The following CHRNA7 variants were observed in gnomAD, a reference collection of about 807,000 sequenced individuals.
CHRNA7 encodes cholinergic receptor nicotinic alpha 7 subunit.
A neutral mutation model predicts 48.0 loss-of-function variants in CHRNA7; 17 were observed. The observed-to-expected ratio is 0.35, with a 90% CI of 0.24 to 0.53. The LOEUF is 0.53. Ranked by LOEUF, CHRNA7 falls within the 20% of genes least tolerant of loss-of-function variation. CHRNA7 has a pLI of 0.92. For synonymous variants in CHRNA7, 75 were observed against 242.3 expected (o/e 0.31, Z 6.41); for missense variants, 155 against 577.7 (o/e 0.27, Z 7.50).
intron 2 of CHRNA7, among the ~76,000 whole-genome samples, chr15:32,081,334 T>C (rs1165733101): frequency 6.6e-6 from 1 of 152,142 alleles, no homozygotes; most frequent in Non-Finnish European, 1.5e-5. Context: ...TTACTGTACT[T>C]AGAGTATTTA....
At chr15:32,057,340 G>GT (rs1447014489) in intron 2 of CHRNA7, among the ~76,000 whole-genome samples, 3 of 152,056 alleles carry the variant, frequency 2.0e-5, no homozygotes, top group Admixed American at 1.3e-4. Flanking sequence ...ATAGAGATGG[G>GT]TTTTTTTGTT....
At chr15:32,094,681 G>A (rs1595439145) in intron 2 of CHRNA7, among the ~76,000 whole-genome samples, 1 of 46,950 alleles carries the variant, frequency 2.1e-5, no homozygotes, top group Middle Eastern at 0.01. Context: ...TTTTTTTTGA[G>A]ACAGAGTCTT....
chr15:32,152,504 G>T (rs2051652145), intron 4 of CHRNA7, among the ~76,000 whole-genome samples: 1 of 152,200 alleles, frequency 6.6e-6, no homozygotes, highest in Non-Finnish European at 1.5e-5. Context: ...CACGCGGGAG[G>T]CCGAGAGAGT....
At chr15:32,088,659 T>C (rs1344287259) in intron 2 of CHRNA7, among the ~76,000 whole-genome samples, 1 of 152,208 alleles carries the variant, frequency 6.6e-6, no homozygotes, top group Admixed American at 6.5e-5. Context: ...TTGTTATAAT[T>C]TACATGTCCA....
chr15:32,030,491 G>A (rs1901748955), upstream of CHRNA7: 11 of 1,202,544 alleles, frequency 9.1e-6, no homozygotes, highest in African/African-American at 1.6e-5. Context: ...GCTCCTTAAA[G>A]GCGCGCGAGC....
At chr15:32,067,997 A>C (rs903712131) in intron 2 of CHRNA7, among the ~76,000 whole-genome samples, 2 of 152,216 alleles carry the variant, frequency 1.3e-5, no homozygotes, top group Non-Finnish European at 2.9e-5. Context: ...GTAGAAAATC[A>C]TAAAAAGCAC....
At chr15:32,073,722 A>G (rs980294395) in intron 2 of CHRNA7, among the ~76,000 whole-genome samples, 1 of 152,132 alleles carries the variant, frequency 6.6e-6, no homozygotes. Flanking sequence ...CTGGGTGTTT[A>G]AAAGAGGCTA....
At chr15:32,134,227 C>T (rs1008270103) in intron 4 of CHRNA7, among the ~76,000 whole-genome samples, 3 of 151,808 alleles carry the variant, frequency 2.0e-5, no homozygotes, top group South Asian at 2.1e-4. Context: ...GGCGGGATCT[C>T]GGCTCACTGC....
At chr15:32,073,384 G>A (rs2050087813) in intron 2 of CHRNA7, among the ~76,000 whole-genome samples, 1 of 152,184 alleles carries the variant, frequency 6.6e-6, no homozygotes, top group Non-Finnish European at 1.5e-5. Flanking sequence ...TAACTTGTTT[G>A]TGATCTAACA....
chr15:32,058,293 A>T (rs188195137), intron 2 of CHRNA7, among the ~76,000 whole-genome samples: 349 of 152,368 alleles, frequency 2.3e-3, no homozygotes, highest in Non-Finnish European at 4.0e-3. Context: ...CTTTGACAGT[A>T]ACCATCAGTC....
chr15:32,036,159 T>C (rs1902073806), intron 2 of CHRNA7, among the ~76,000 whole-genome samples: 1 of 152,216 alleles, frequency 6.6e-6, no homozygotes, highest in Admixed American at 6.5e-5. Flanking sequence ...CTTTCCACAA[T>C]GTCGTATGGT....
At chr15:32,114,222 G>A (rs2050829233) in intron 4 of CHRNA7, among the ~76,000 whole-genome samples, 1 of 151,348 alleles carries the variant, frequency 6.6e-6, no homozygotes, top group Non-Finnish European at 1.5e-5. Flanking sequence ...GTTACAAGAG[G>A]CAGTTTATAT....
intron 3 of CHRNA7, among the ~76,000 whole-genome samples, chr15:32,106,552 C>T (rs976567839): frequency 7.2e-5 from 11 of 152,236 alleles, no homozygotes; most frequent in South Asian, 2.1e-4. Flanking sequence ...CCTCTGCAGC[C>T]GGTTCCTCTG....
At chr15:32,049,936 G>A (rs959242250) in intron 2 of CHRNA7, among the ~76,000 whole-genome samples, 1 of 152,046 alleles carries the variant, frequency 6.6e-6, no homozygotes, top group Non-Finnish European at 1.5e-5. Flanking sequence ...GAAATTCTAG[G>A]TGAAAATTCT....
chr15:32,092,691 T>C (rs1189702081), intron 2 of CHRNA7, among the ~76,000 whole-genome samples: 1 of 152,230 alleles, frequency 6.6e-6, no homozygotes, highest in African/African-American at 2.4e-5. Context: ...TTTATAGAAG[T>C]ATTAGAAATA....
chr15:32,109,811 A>G (rs1458800219), intron 3 of CHRNA7, among the ~76,000 whole-genome samples: 1 of 152,176 alleles, frequency 6.6e-6, no homozygotes, highest in Non-Finnish European at 1.5e-5. Context: ...GACTAGCATA[A>G]AGGCTGTGAT....
chr15:32,113,587 G>A (rs544164017), intron 4 of CHRNA7, among the ~76,000 whole-genome samples: 11 of 152,198 alleles, frequency 7.2e-5, no homozygotes, highest in Non-Finnish European at 1.5e-4. Flanking sequence ...GGAAAGTGCC[G>A]GCTTCACAGA....
chr15:32,047,805 G>T (rs1247571465), intron 2 of CHRNA7, among the ~76,000 whole-genome samples: 4 of 152,126 alleles, frequency 2.6e-5, no homozygotes, highest in Admixed American at 6.5e-5. Context: ...TTGACTGTGG[G>T]TTTGTCATAG....
At chr15:32,046,275 A>T (rs531851998) in intron 2 of CHRNA7, among the ~76,000 whole-genome samples, 10 of 149,778 alleles carry the variant, frequency 6.7e-5, no homozygotes, top group Middle Eastern at 6.8e-3. Flanking sequence ...ACTAGTTTAC[A>T]GTCCCACCAG....
Sources: allele counts gnomAD v4.1 joint callset (sites outside exome capture counted in the v4.1 genomes callset), GRCh38; gene constraint gnomAD v4.1.1; transcripts MANE v1.5; gene names NCBI Gene and HGNC (gene_info 2026-07-23, HGNC 2026-07-21).